The following TMEM200A variants were observed in gnomAD, a reference collection of about 807,000 sequenced individuals.
TMEM200A encodes transmembrane protein 200A, also known as two transmembrane C.
Under a neutral mutation model 24.3 loss-of-function variants are expected in TMEM200A, and 12 were observed. The ratio of observed to expected loss-of-function variants is 0.49; its 90% CI spans 0.32 to 0.80. The LOEUF is 0.80. Among genes scored for constraint, TMEM200A ranks in the 30% least tolerant of loss-of-function variants. TMEM200A has a pLI of 0.04. For missense variants in TMEM200A, 545 were observed against 614.4 expected (o/e 0.89, Z 1.19); for synonymous variants, 224 against 224.4 (o/e 1.00, Z 0.02).
chr6:130,421,630 C>T (rs1011654531), intron 2 of TMEM200A, among the ~76,000 whole-genome samples: 1 of 151,786 alleles, frequency 6.6e-6, no homozygotes, highest in Non-Finnish European at 1.5e-5. Flanking sequence ...CCTTGGTGTA[C>T]ATTACATCTC....
intron 2 of TMEM200A, among the ~76,000 whole-genome samples, chr6:130,401,744 A>G (rs1779092382): frequency 6.6e-6 from 1 of 151,974 alleles, no homozygotes; most frequent in Non-Finnish European, 1.5e-5. Context: ...CTTTGCCATT[A>G]GTAGGTCTTT....
At chr6:130,407,832 T>A (rs1263927936) in intron 2 of TMEM200A, among the ~76,000 whole-genome samples, 2 of 152,366 alleles carry the variant, frequency 1.3e-5, no homozygotes, top group Admixed American at 1.3e-4. Context: ...AAATTTATTC[T>A]CCTTAGAAGT....
intron 2 of TMEM200A, among the ~76,000 whole-genome samples, chr6:130,417,859 C>T (rs1228079944): frequency 2.0e-5 from 3 of 152,096 alleles, no homozygotes; most frequent in African/African-American, 7.2e-5. Flanking sequence ...AAATAGTTGT[C>T]ATAAACTCCA....
intron 1 of TMEM200A, among the ~76,000 whole-genome samples, chr6:130,373,921 A>C (rs916007627): frequency 2.0e-5 from 3 of 152,218 alleles, no homozygotes; most frequent in African/African-American, 7.2e-5. Context: ...TTTGAAAAAA[A>C]GAATAGTTTA....
chr6:130,401,519 C>G (rs117219080), intron 2 of TMEM200A, among the ~76,000 whole-genome samples: 2,741 of 132,102 alleles, frequency 0.021, 22 homozygotes, highest in Non-Finnish European at 0.031. Context: ...TTTTTCTTTA[C>G]TTTTTTGTCT....
chr6:130,440,675 C>T lies in TMEM200A; in HGVS notation c.253C>T (p.Pro85Ser). The T allele has an allele frequency of 6.2e-7, 1 of 1,613,858 alleles. No homozygotes were observed. Among genetic ancestry groups the T allele is most frequent in the Non-Finnish European group, 8.5e-7 (1 of 1,179,818 alleles). The change falls in exon 3 of 3, where the codon CCC (proline) becomes TCC (serine). Residue 85 changes from proline to serine, a missense_variant. By Grantham distance (74) the Pro-to-Ser change is moderately conservative. Coordinates refer to ENST00000296978, the MANE Select transcript of TMEM200A (RefSeq NM_001258277.2). ...GIAMAVLGYWPQKEHFIDAET... is the reference protein window; with the variant it reads ...GIAMAVLGYWSQKEHFIDAET... Reference sequence around the variant, plus strand: ...TGCTATGGCCGTTCTTGGATATTGGCCCCAAAAAGAACATTTTATTGATGC... The same window carrying T: ...TGCTATGGCCGTTCTTGGATATTGGTCCCAAAAAGAACATTTTATTGATGC...
Position 130,366,611 on chromosome 6 carries a change from G to C in TMEM200A, c.-81+87G>C. On this transcript the variant is annotated intron_variant, in intron 1 of 2. Coordinates refer to ENST00000296978, the MANE Select transcript of TMEM200A (RefSeq NM_001258277.2). The surrounding 1 kb of genome is among the most constrained non-coding windows in gnomAD (Gnocchi z 4.4). Reference sequence around the variant, plus strand: ...AAACCGGGCACTTCTTCAGCCCTCTGCCCTCCCCTCCCCTCCGCTACAGCC... The same window carrying C: ...AAACCGGGCACTTCTTCAGCCCTCTCCCCTCCCCTCCCCTCCGCTACAGCC... 1.0e-6 allele frequency: 1 copy of C among 970,126 alleles called. No individual in the cohort carries two copies. The highest frequency in any genetic ancestry group is 1.2e-6 in the Non-Finnish European group (1 of 815,946). The allele number at this position is 970,126 out of a possible 1,614,324, so 60.1% of individuals were successfully genotyped here. A position where few individuals can be genotyped will look rare whatever the true frequency, so the allele number is the denominator to read the frequency against.
intron 2 of TMEM200A, among the ~76,000 whole-genome samples, chr6:130,407,368 G>A (rs1309628393): frequency 6.6e-6 from 1 of 152,192 alleles, no homozygotes; most frequent in Non-Finnish European, 1.5e-5. Context: ...AACAGGGTTA[G>A]TAGTTTCTTC....
chr6:130,422,003 A>T (rs1032370912), intron 2 of TMEM200A, among the ~76,000 whole-genome samples: 1 of 152,186 alleles, frequency 6.6e-6, no homozygotes, highest in Non-Finnish European at 1.5e-5. Flanking sequence ...ATTGTGAATA[A>T]TGCAGCAATG....
At chr6:130,388,068 A>C (rs1225206343) in intron 2 of TMEM200A, among the ~76,000 whole-genome samples, 1 of 152,204 alleles carries the variant, frequency 6.6e-6, no homozygotes, top group Admixed American at 6.5e-5. Flanking sequence ...GGGGAGAATA[A>C]CAGTTTAAAA....
intron 1 of TMEM200A, chr6:130,383,031 C>A: frequency 1.0e-6 from 1 of 985,376 alleles, no homozygotes; most frequent in African/African-American, 1.7e-5. Flanking sequence ...TGAGGCCAGG[C>A]ATGATGTTAC....
chr6:130,429,849 A>G (rs868788077), intron 2 of TMEM200A, among the ~76,000 whole-genome samples: 2 of 152,302 alleles, frequency 1.3e-5, no homozygotes, highest in Middle Eastern at 6.8e-3. Context: ...ACATATTACA[A>G]CCAGAAACCT....
Position 130,440,546 on chromosome 6 carries a change from C to T in TMEM200A, c.124C>T (p.Arg42Cys), listed in dbSNP as rs754474838. 6.8e-6 allele frequency: 11 copies of T among 1,613,962 alleles called. No individual in the cohort carries two copies. The highest frequency in any genetic ancestry group is 5.3e-5 in the African/African-American group (4 of 74,918). The change falls in exon 3 of 3, where the codon CGC (arginine) becomes TGC (cysteine). Residue 42 changes from arginine (R) to cysteine (C), a missense_variant. Physicochemically the swap from Arg to Cys is radical, Grantham distance 180. Coordinates refer to ENST00000296978, the MANE Select transcript of TMEM200A (RefSeq NM_001258277.2). ...TACCCAAGAGAAGAAGCCCATCAGG[C>T]GCCGGCCCCGGGCAGATGTTGTGGT... The part of the protein sequence containing the change: ...PATQEKKPIR[R>C]RPRADVVVVR...
intron 2 of TMEM200A, among the ~76,000 whole-genome samples, chr6:130,397,148 A>G (rs6906199): frequency 0.059 from 9,008 of 152,148 alleles, 896 homozygotes; most frequent in African/African-American, 0.2. Flanking sequence ...TCCATCCCTT[A>G]TTGATGGGCA....
At chr6:130,397,903 AT>A (rs1364622856) in intron 2 of TMEM200A, among the ~76,000 whole-genome samples, 5 of 151,540 alleles carry the variant, frequency 3.3e-5, no homozygotes, top group African/African-American at 1.2e-4. Flanking sequence ...ATATAGTAAT[AT>A]TTTTATTTTA....
chr6:130,367,952 C>T (rs1778225033), intron 1 of TMEM200A, among the ~76,000 whole-genome samples: 1 of 152,066 alleles, frequency 6.6e-6, no homozygotes, highest in African/African-American at 2.4e-5. Flanking sequence ...ATGGAAAGTC[C>T]CTGTAGGTAA....
chr6:130,401,209 A>G (rs1365630057), intron 2 of TMEM200A, among the ~76,000 whole-genome samples: 5 of 152,000 alleles, frequency 3.3e-5, no homozygotes, highest in Non-Finnish European at 7.4e-5. Context: ...ATGTTGATTA[A>G]TATCTTGCCT....
At position 130,391,806 on chromosome 6, in the gene TMEM200A, G is replaced by A. The variant is rs914104184; in HGVS notation, c.-17+6570G>A. ...CGCCCAGGCTAGAGTGCAGTGGCACGATCTCGGCTCACTGCAAGCTCCACC... is the reference window on the plus strand; with the variant it reads ...CGCCCAGGCTAGAGTGCAGTGGCACAATCTCGGCTCACTGCAAGCTCCACC... On this transcript the variant is annotated intron_variant, in intron 2 of 2. Transcript: ENST00000296978. 5.4e-5 allele frequency among the ~76,000 whole-genome samples: 7 copies of A among 130,696 alleles called. No homozygotes were observed. In the East Asian group the frequency reaches 9.3e-4, roughly 17 times the overall value. 85.7% of individuals were successfully genotyped at this position (130,696 alleles called of 152,430 possible).
At chr6:130,407,525 C>A (rs1004319013) in intron 2 of TMEM200A, among the ~76,000 whole-genome samples, 2 of 152,198 alleles carry the variant, frequency 1.3e-5, no homozygotes, top group Non-Finnish European at 2.9e-5. Context: ...AATTAGCACT[C>A]TTTGGAGGAA....
Sources: gnomAD v4.1 joint callset for allele counts (sites outside exome capture counted in the v4.1 genomes callset) on GRCh38, gnomAD v4.1.1 for gene constraint, Gnocchi (gnomAD v3.1) non-coding constraint, MANE v1.5 for transcripts, NCBI Gene and HGNC (gene_info 2026-07-23, HGNC 2026-07-21) for gene names.